The following STK4 variants were observed in gnomAD, a reference collection of about 807,000 sequenced individuals.
The protein encoded by STK4 is serine/threonine kinase 4.
A neutral mutation model predicts 64.9 loss-of-function variants in STK4; 30 were observed. The observed-to-expected ratio is 0.46, with a 90% CI of 0.35 to 0.63. The LOEUF (loss-of-function observed/expected upper bound fraction) is 0.63. Ranked by LOEUF, STK4 falls within the 20% of genes least tolerant of loss-of-function variation. The pLI is 0.01. For synonymous variants in STK4, 177 were observed against 199.0 expected (o/e 0.89, Z 0.93); for missense variants, 466 against 598.5 (o/e 0.78, Z 2.31).
At chr20:45,019,331 G>A (rs2068201641) in intron 9 of STK4, among the ~76,000 whole-genome samples, 1 of 152,018 alleles carries the variant, frequency 6.6e-6, no homozygotes, top group Non-Finnish European at 1.5e-5. Context: ...CTTTCATTTT[G>A]CATAATGTTT....
intron 5 of STK4, among the ~76,000 whole-genome samples, chr20:44,992,983 A>AC (rs2067662569): frequency 1.3e-5 from 2 of 152,176 alleles, no homozygotes; most frequent in African/African-American, 4.8e-5. Flanking sequence ...GGCATGAGCC[A>AC]CCGTGCCTGA....
intron 9 of STK4, among the ~76,000 whole-genome samples, chr20:45,012,031 C>A (rs923421486): frequency 6.6e-6 from 1 of 151,210 alleles, no homozygotes; most frequent in South Asian, 2.1e-4. Context: ...CACTCTTCTC[C>A]GATACAAATT....
chr20:44,987,042 A>G lies in STK4; in HGVS notation c.361-90A>G, dbSNP rs889850600. ...CACAGGTTGAATAAGATCTGTTTAT[A>G]TTAAAGAAAGGTTTGGATCTGATTT... On this transcript the variant is annotated intron_variant, in intron 4 of 10. Transcript: ENST00000372806. 3.6e-6 allele frequency: 4 copies of G among 1,105,500 alleles called. No individual in the cohort carries two copies. In the African/African-American group the frequency reaches 4.8e-5, roughly 13 times the overall value. 68.5% of individuals were successfully genotyped at this position (1,105,500 alleles called of 1,614,324 possible). A position where few individuals can be genotyped will look rare whatever the true frequency, so the allele number is the denominator to read the frequency against.
chr20:44,983,640 C>T (rs1373706765), intron 4 of STK4, among the ~76,000 whole-genome samples: 5 of 152,090 alleles, frequency 3.3e-5, no homozygotes, highest in Admixed American at 6.6e-5. Flanking sequence ...AAAAAGATAA[C>T]TCTGACTTCT....
chr20:45,029,587 A>G (rs961281811), intron 10 of STK4, among the ~76,000 whole-genome samples: 1 of 152,236 alleles, frequency 6.6e-6, no homozygotes, highest in African/African-American at 2.4e-5. Context: ...TAAAGCAAGC[A>G]TTTGAAATAA....
intron 10 of STK4, among the ~76,000 whole-genome samples, chr20:45,061,943 G>A (rs565874325): frequency 5.0e-4 from 73 of 147,450 alleles, no homozygotes; most frequent in African/African-American, 1.7e-3. Flanking sequence ...GCAGTGGGGC[G>A]ATCTCAGCTC....
At chr20:45,013,157 A>G (rs1378040820) in intron 9 of STK4, among the ~76,000 whole-genome samples, 2 of 151,720 alleles carry the variant, frequency 1.3e-5, no homozygotes, top group Admixed American at 6.6e-5. Context: ...CTGGTAGTGG[A>G]CATTCTTGTC....
chr20:44,994,248 T>C (rs2067687107), intron 5 of STK4, among the ~76,000 whole-genome samples: 2 of 149,866 alleles, frequency 1.3e-5, no homozygotes, highest in Admixed American at 6.9e-5. Flanking sequence ...TAAAAATCTT[T>C]AGTGATTCTG....
intron 9 of STK4, among the ~76,000 whole-genome samples, chr20:45,005,104 C>A (rs746062509): frequency 6.6e-6 from 1 of 152,018 alleles, no homozygotes; most frequent in East Asian, 1.9e-4. Context: ...TGATTGAGTC[C>A]TCACCGCCAT....
At chr20:44,967,704 G>A (rs965043602) in intron 1 of STK4, among the ~76,000 whole-genome samples, 2 of 152,196 alleles carry the variant, frequency 1.3e-5, no homozygotes, top group African/African-American at 4.8e-5. Context: ...TGAAGAGAAG[G>A]GATTGACTGC....
At chr20:44,974,895 A>G (rs2145637283) in intron 2 of STK4, 1 of 152,334 alleles carries the variant, frequency 6.6e-6, no homozygotes, top group East Asian at 1.9e-4. Flanking sequence ...CTGTGTTATG[A>G]GGATCATATG....
chr20:44,976,302 A>G (rs2067337220), intron 2 of STK4, among the ~76,000 whole-genome samples: 1 of 152,238 alleles, frequency 6.6e-6, no homozygotes, highest in Non-Finnish European at 1.5e-5. Flanking sequence ...GAGGTCTAAT[A>G]CAGTTTTGGT....
At chr20:45,028,483 C>T (rs959882291) in intron 10 of STK4, among the ~76,000 whole-genome samples, 1 of 152,036 alleles carries the variant, frequency 6.6e-6, no homozygotes, top group Admixed American at 6.6e-5. Flanking sequence ...TGGATCACCA[C>T]GCCTGGCTAA....
intron 5 of STK4, among the ~76,000 whole-genome samples, chr20:44,990,767 A>G (rs1277426155): frequency 6.6e-6 from 1 of 152,184 alleles, no homozygotes; most frequent in Non-Finnish European, 1.5e-5. Context: ...AGGGAAGCCC[A>G]CTAGTTGCTT....
chr20:45,049,443 T>G (rs569502507), intron 10 of STK4, among the ~76,000 whole-genome samples: 1 of 152,336 alleles, frequency 6.6e-6, no homozygotes, highest in Admixed American at 6.5e-5. Flanking sequence ...AATGTTCCAT[T>G]CCAATTTCAA....
chr20:45,028,234 T>C (rs1158385002), intron 10 of STK4, among the ~76,000 whole-genome samples: 1 of 152,202 alleles, frequency 6.6e-6, no homozygotes, highest in African/African-American at 2.4e-5. Context: ...CAATGGCGTA[T>C]GAACATTCCC....
intron 5 of STK4, among the ~76,000 whole-genome samples, chr20:44,989,661 T>A (rs1252915920): frequency 6.6e-6 from 1 of 152,174 alleles, no homozygotes; most frequent in Non-Finnish European, 1.5e-5. Context: ...AATCATTAGC[T>A]AATGCAGGGT....
At chr20:45,043,402 A>C (rs1600526464) in intron 10 of STK4, among the ~76,000 whole-genome samples, 1 of 152,312 alleles carries the variant, frequency 6.6e-6, no homozygotes, top group Non-Finnish European at 1.5e-5. Context: ...TTTGGTAGTT[A>C]AGATCATTGG....
In STK4 at chr20:44,978,485, C is replaced by A. The variant is rs1464796057; in HGVS notation, c.159C>A (p.Gly53=). 6.2e-7 allele frequency: 1 copy of A among 1,614,088 alleles called. No individual in the cohort carries two copies. The highest frequency in any genetic ancestry group is 8.5e-7 in the Non-Finnish European group (1 of 1,180,010). Residue 53 remains glycine (G), a synonymous_variant, in exon 3 of 11, where the codon GGC becomes GGA. Coordinates refer to ENST00000372806, the MANE Select transcript of STK4 (RefSeq NM_006282.5). ...ACAAAGCTATTCATAAAGAGACCGG[C>A]CAGATTGTTGCTATTAAGCAAGTTC... ...SVYKAIHKET[G]QIVAIKQVPV...
Sources: gnomAD v4.1 joint callset for allele counts (sites outside exome capture counted in the v4.1 genomes callset) on GRCh38, gnomAD v4.1.1 for gene constraint, MANE v1.5 for transcripts, NCBI Gene and HGNC (gene_info 2026-07-23, HGNC 2026-07-21) for gene names.